Variants in AEBP2 observed in about 807,000 individuals in gnomAD.
AEBP2 encodes the protein AE binding protein 2.
In AEBP2, 10 loss-of-function variants were observed where a neutral mutation model predicts 50.8. That is an observed-to-expected ratio of 0.20 (90% CI 0.12 to 0.33). The LOEUF (loss-of-function observed/expected upper bound fraction) is 0.33. AEBP2 is among the 10% of genes least tolerant of loss of function. The pLI is 1.00. For missense variants in AEBP2, 570 were observed against 688.0 expected (o/e 0.83, Z 1.92); for synonymous variants, 296 against 261.3 (o/e 1.13, Z -1.28).
At position 19,479,717 on chromosome 12, in the gene AEBP2, G is replaced by GTTTTTTTT. The variant is rs369410408; in HGVS notation, c.987+6386_987+6393dup. On this transcript the variant is annotated intron_variant, in intron 3 of 7. Transcript: ENST00000266508. ...ATTATTTAATGTCACCTCTTTGTGG[G>GTTTTTTTT]TTTTTTTTTTTTTTTTTTTTTTTTT... Among the ~76,000 whole-genome samples the GTTTTTTTT allele has an allele frequency of 2.5e-3, 56 of 22,342 alleles. 1 individual carries two copies. Among genetic ancestry groups the GTTTTTTTT allele is most frequent in the Non-Finnish European group, 3.1e-3 (34 of 11,046 alleles). The allele number at this position is 22,342 out of a possible 152,430, so 14.7% of individuals were successfully genotyped here.
intron 3 of AEBP2, among the ~76,000 whole-genome samples, chr12:19,478,107 C>T (rs951801524): frequency 3.9e-5 from 6 of 152,120 alleles, no homozygotes; most frequent in Admixed American, 1.3e-4. Context: ...AATGGTCTGT[C>T]ACTTTTGTCT....
intron 5 of AEBP2, among the ~76,000 whole-genome samples, chr12:19,506,664 T>C (rs1018753126): frequency 6.6e-6 from 1 of 152,162 alleles, no homozygotes; most frequent in Non-Finnish European, 1.5e-5. Flanking sequence ...GGCTTTAACA[T>C]GTTCACTTTG....
At chr12:19,483,464 C>G (rs897425184) in intron 3 of AEBP2, among the ~76,000 whole-genome samples, 4 of 151,974 alleles carry the variant, frequency 2.6e-5, no homozygotes, top group Admixed American at 2.6e-4. Flanking sequence ...AGCAGTGTAC[C>G]GCTTCTTTGA....
chr12:19,441,483 C>T (rs560784578), intron 1 of AEBP2, among the ~76,000 whole-genome samples: 38 of 152,198 alleles, frequency 2.5e-4, no homozygotes, highest in African/African-American at 9.1e-4. Context: ...AAAAGTATAG[C>T]AATGGAAATT....
At chr12:19,516,365 T>A (rs903587456) in intron 7 of AEBP2, among the ~76,000 whole-genome samples, 1 of 152,150 alleles carries the variant, frequency 6.6e-6, no homozygotes, top group African/African-American at 2.4e-5. Context: ...CACTCTTGCC[T>A]TTTAGAACTA....
chr12:19,440,089 C>T lies in AEBP2; in HGVS notation c.390C>T (p.Gly130=), dbSNP rs1235499149. The change falls in exon 1 of 8, where the codon GGC becomes GGT. Residue 130 remains glycine, a synonymous_variant. Transcript: ENST00000266508. ...SSAESLVGSS[G]GSSSDETRSL... ...CCGAGAGCCTGGTGGGCAGCAGCGG[C>T]GGGAGCAGCAGCGACGAGACCCGCT... The T allele has an allele frequency of 1.3e-6, 2 of 1,508,804 alleles. No individual in the cohort carries two copies. Among genetic ancestry groups the T allele is most frequent in the Admixed American group, 2.1e-5 (1 of 48,538 alleles). 93.5% of individuals were successfully genotyped at this position (1,508,804 alleles called of 1,614,324 possible).
chr12:19,518,765 T>A lies in AEBP2; in HGVS notation c.*648T>A. 6.8e-7 allele frequency: 1 copy of A among 1,460,772 alleles called. No individual in the cohort carries two copies. Among genetic ancestry groups the A allele is most frequent in the Non-Finnish European group, 9.3e-7 (1 of 1,079,982 alleles). 90.5% of individuals were successfully genotyped at this position (1,460,772 alleles called of 1,614,324 possible). The stretch of plus-strand genomic sequence containing the variant: ...AAAAATTCGTCTATCGAATTAGGGC[T>A]GAAAATTACTGTTAAAGAGTGTTGC... On this transcript the variant is annotated 3_prime_UTR_variant, in exon 8 of 8. Coordinates refer to ENST00000266508, the MANE Select transcript of AEBP2 (RefSeq NM_153207.5).
At chr12:19,461,608 C>G (rs1008478442) in intron 1 of AEBP2, among the ~76,000 whole-genome samples, 6 of 152,028 alleles carry the variant, frequency 3.9e-5, no homozygotes, top group African/African-American at 1.4e-4. Flanking sequence ...CTCCTGGGTT[C>G]AAGAGATTCT....
chr12:19,455,460 A>C (rs16915302), intron 1 of AEBP2, among the ~76,000 whole-genome samples: 8,668 of 152,222 alleles, frequency 0.057, 533 homozygotes, highest in Admixed American at 0.15. Context: ...CTTCTCAGTC[A>C]TGGTAACATA....
chr12:19,449,414 G>A (rs1948128121), intron 1 of AEBP2, among the ~76,000 whole-genome samples: 1 of 152,170 alleles, frequency 6.6e-6, no homozygotes, highest in African/African-American at 2.4e-5. Context: ...TTTTAAGCTG[G>A]ATGAAAAATG....
chr12:19,488,237 C>T (rs1209552650), intron 3 of AEBP2, among the ~76,000 whole-genome samples: 1 of 151,560 alleles, frequency 6.6e-6, no homozygotes, highest in African/African-American at 2.4e-5. Flanking sequence ...GGTCCTCCCA[C>T]CTCAGCCTCC....
At chr12:19,494,849 C>G (rs1231549685) in intron 4 of AEBP2, among the ~76,000 whole-genome samples, 1 of 152,102 alleles carries the variant, frequency 6.6e-6, no homozygotes, top group Non-Finnish European at 1.5e-5. Flanking sequence ...TTTGCAACCT[C>G]AGAGTGTAGC....
intron 1 of AEBP2, among the ~76,000 whole-genome samples, chr12:19,415,117 C>T (rs914836348): frequency 6.7e-6 from 1 of 150,228 alleles, no homozygotes; most frequent in Non-Finnish European, 1.5e-5. Context: ...CAAGACAGTC[C>T]TGGACAACGT....
intron 3 of AEBP2, among the ~76,000 whole-genome samples, chr12:19,478,085 G>T (rs1265558406): frequency 6.6e-6 from 1 of 152,056 alleles, no homozygotes; most frequent in East Asian, 1.9e-4. Context: ...TCTTTTCTTG[G>T]TTAGTTTCAC....
At chr12:19,507,523 T>G (rs1183156244) in intron 5 of AEBP2, among the ~76,000 whole-genome samples, 2 of 152,186 alleles carry the variant, frequency 1.3e-5, no homozygotes. Flanking sequence ...CTGAGAGGGC[T>G]TAAGAACATT....
At chr12:19,475,216 A>G (rs1330098786) in intron 3 of AEBP2, among the ~76,000 whole-genome samples, 2 of 151,990 alleles carry the variant, frequency 1.3e-5, no homozygotes, top group African/African-American at 4.8e-5. Context: ...GTAGTCTTTT[A>G]TACCTAACCA....
intron 2 of AEBP2, chr12:19,466,789 AT>A (rs1455105152): frequency 1.0e-6 from 1 of 984,910 alleles, no homozygotes; most frequent in African/African-American, 1.7e-5. Flanking sequence ...TGAGGAAAAA[AT>A]TGGTAACCCT....
chr12:19,499,791 C>G (rs1949039016), intron 4 of AEBP2, among the ~76,000 whole-genome samples: 1 of 152,012 alleles, frequency 6.6e-6, no homozygotes, highest in Admixed American at 6.6e-5. Flanking sequence ...AGACCTTATG[C>G]TGAGGCGAGA....
intron 5 of AEBP2, among the ~76,000 whole-genome samples, chr12:19,510,842 T>C (rs1159521720): frequency 6.6e-6 from 1 of 151,294 alleles, no homozygotes; most frequent in Non-Finnish European, 1.5e-5. Context: ...AATTCTGCAG[T>C]ACATCGCTTT....
Sources: allele counts gnomAD v4.1 joint callset (sites outside exome capture counted in the v4.1 genomes callset), GRCh38; gene constraint gnomAD v4.1.1; transcripts MANE v1.5; gene names NCBI Gene and HGNC (gene_info 2026-07-23, HGNC 2026-07-21).